Variants in GGT5 observed in about 807,000 individuals in gnomAD.
GGT5 encodes the protein gamma-glutamyltransferase 5.
Under a neutral mutation model 58.1 loss-of-function variants are expected in GGT5, and 50 were observed. The observed-to-expected ratio is 0.86, with a 90% CI of 0.69 to 1.09. The LOEUF (loss-of-function observed/expected upper bound fraction) is 1.09. Ranked by LOEUF, GGT5 falls within the 50% of genes least tolerant of loss-of-function variation. The pLI is 0.00. For missense variants in GGT5, 800 were observed against 789.4 expected (o/e 1.01, Z -0.16); for synonymous variants, 370 against 346.1 (o/e 1.07, Z -0.77).
chr22:24,232,082 G>A lies in GGT5; in HGVS notation c.723C>T (p.Gly241=). Residue 241 remains glycine (G), a synonymous_variant, in exon 5 of 12, where the codon GGC becomes GGT. Coordinates refer to ENST00000327365, the MANE Select transcript of GGT5 (RefSeq NM_004121.5). ...GVEVFYTGRL[G]QMLVEDIAKE... Reference sequence around the variant, plus strand: ...TGGCAATGTCCTCCACCAGCATCTGGCCCAGCCTCCCCGTGTAGAAGACCT... The same window carrying A: ...TGGCAATGTCCTCCACCAGCATCTGACCCAGCCTCCCCGTGTAGAAGACCT... 2 of 1,613,242 alleles carry A rather than the reference G, an allele frequency of 1.2e-6. No individual in the cohort carries two copies. Among genetic ancestry groups the A allele is most frequent in the Non-Finnish European group, 1.7e-6 (2 of 1,179,568 alleles).
intron 11 of GGT5, among the ~76,000 whole-genome samples, chr22:24,223,098 GA>G (rs1055394864): frequency 1.4e-5 from 2 of 139,940 alleles, no homozygotes; most frequent in African/African-American, 2.7e-5. Context: ...TCAAAAAAAA[GA>G]AAAAAAAAGA....
intron 1 of GGT5, among the ~76,000 whole-genome samples, chr22:24,235,050 C>CTTTT (rs71189232): frequency 1.6e-4 from 12 of 75,662 alleles, no homozygotes; most frequent in Non-Finnish European, 2.2e-4. Flanking sequence ...AAGAAGCCAG[C>CTTTT]TTTTTTTTTT....
At chr22:24,238,923 ATAATATATATTATATAATATATATATAT>A (rs2048240250) in intron 1 of GGT5, among the ~76,000 whole-genome samples, 1 of 23,854 alleles carries the variant, frequency 4.2e-5, no homozygotes, top group East Asian at 1.4e-3. Context: ...TATTATATAT[ATAATATATATTATATAATATATATATAT>A]ATATATAATA....
chr22:24,238,221 T>C (rs1221966547), intron 1 of GGT5, among the ~76,000 whole-genome samples: 11 of 95,720 alleles, frequency 1.1e-4, no homozygotes, highest in East Asian at 3.1e-4. Flanking sequence ...AGAGTGAGGC[T>C]CCGTCTCAAA....
At position 24,233,900 on chromosome 22, in the gene GGT5, A is replaced by G; in HGVS notation, c.278T>C (p.Ile93Thr). The G allele has an allele frequency of 1.2e-6, 2 of 1,613,726 alleles. No homozygotes were observed. The highest frequency in any genetic ancestry group is 1.7e-6 in the Non-Finnish European group (2 of 1,179,650). Residue 93 changes from isoleucine to threonine, a missense_variant, in exon 2 of 12, where the codon ATC (isoleucine) becomes ACC (threonine). By Grantham distance (89) the Ile-to-Thr change is moderately conservative. Transcript: ENST00000327365. Reference sequence around the variant, plus strand: ...TGTTGTCACATTGTAGATGGTGAAGATGACCCCTCCGCCCAGGCCCATGCT... The same window carrying G: ...TGTTGTCACATTGTAGATGGTGAAGGTGACCCCTCCGCCCAGGCCCATGCT... The part of the protein sequence containing the change: ...PQSMGLGGGV[I>T]FTIYNVTTGK...
chr22:24,238,258 G>A (rs985691447), intron 1 of GGT5, among the ~76,000 whole-genome samples: 7 of 150,554 alleles, frequency 4.6e-5, no homozygotes, highest in South Asian at 4.2e-4. Flanking sequence ...GGCCAGGCGC[G>A]GTGACTCACG....
intron 11 of GGT5, among the ~76,000 whole-genome samples, chr22:24,223,872 C>T (rs920850970): frequency 1.3e-5 from 2 of 148,216 alleles, no homozygotes; most frequent in African/African-American, 5.0e-5. Context: ...AAGTGTTTCT[C>T]CTGCTTCAGC....
At chr22:24,242,712 C>G (rs1481521279) in intron 1 of GGT5, 3 of 152,350 alleles carry the variant, frequency 2.0e-5, no homozygotes, top group Non-Finnish European at 2.9e-5. Flanking sequence ...GTGGCCCCAG[C>G]AGACCCTGTG....
chr22:24,229,187 T>C (rs1009040517), intron 6 of GGT5, among the ~76,000 whole-genome samples: 2 of 151,804 alleles, frequency 1.3e-5, no homozygotes, highest in Admixed American at 1.3e-4. Flanking sequence ...GCAGATCACC[T>C]GAGGTCAGGA....
chr22:24,243,169 G>A (rs1456799943), intron 1 of GGT5: 1 of 152,178 alleles, frequency 6.6e-6, no homozygotes, highest in Non-Finnish European at 1.5e-5. Context: ...TGGTGCCTGA[G>A]ACTCCAGTCT....
chr22:24,225,462 G>C, intron 9 of GGT5, 51 bp from the exon 10 acceptor site: 1 of 1,601,390 alleles, frequency 6.2e-7, no homozygotes, highest in Non-Finnish European at 8.6e-7. Context: ...CCAGGGGTTA[G>C]CATGCAACCC....
chr22:24,224,923 C>T, intron 11 of GGT5, 73 bp downstream of exon 11: 2 of 945,914 alleles, frequency 2.1e-6, no homozygotes, highest in Admixed American at 2.1e-5. Flanking sequence ...GAGTTCCTCC[C>T]AGGTGGCTTT....
intron 6 of GGT5, among the ~76,000 whole-genome samples, chr22:24,231,095 C>G (rs932465526): frequency 6.6e-6 from 1 of 152,208 alleles, no homozygotes; most frequent in African/African-American, 2.4e-5. Flanking sequence ...CACAGCCCAC[C>G]TGCTTCTGTG....
chr22:24,240,123 C>G (rs2048289054), intron 1 of GGT5, among the ~76,000 whole-genome samples: 1 of 152,144 alleles, frequency 6.6e-6, no homozygotes, highest in Non-Finnish European at 1.5e-5. Flanking sequence ...AAAGTACTAG[C>G]TCATGTTAGA....
intron 11 of GGT5, among the ~76,000 whole-genome samples, chr22:24,221,952 G>A (rs973406000): frequency 1.3e-5 from 2 of 151,428 alleles, no homozygotes; most frequent in Admixed American, 6.6e-5. Flanking sequence ...GCCAAGGTGG[G>A]CAGATCACCT....
At position 24,237,007 on chromosome 22, in the gene GGT5, C is replaced by CTT. The variant is rs35060391; in HGVS notation, c.174-3005_174-3004dup. On this transcript the variant is annotated intron_variant, in intron 1 of 11. Transcript: ENST00000327365. Reference sequence around the variant, plus strand: ...CAGGGATTCTTTTTTTCTTTTCTCTCTTTTTTTTTTTTTTTTTGCTTTTTA... The same window carrying CTT: ...CAGGGATTCTTTTTTTCTTTTCTCTCTTTTTTTTTTTTTTTTTTTGCTTTTTA... Among the ~76,000 whole-genome samples the CTT allele has an allele frequency of 7.1e-4, 93 of 131,106 alleles. 1 individual carries two copies. Among genetic ancestry groups the CTT allele is most frequent in the Middle Eastern group, 4.0e-3 (1 of 248 alleles). The allele number at this position is 131,106 out of a possible 152,430, so 86.0% of individuals were successfully genotyped here.
intron 11 of GGT5, among the ~76,000 whole-genome samples, chr22:24,220,958 G>A (rs2047572699): frequency 6.6e-6 from 1 of 151,002 alleles, no homozygotes; most frequent in Admixed American, 6.6e-5. Context: ...GCTGAAGCAG[G>A]AGGATCCCTT....
rs375177073 is a variant in GGT5 at position 24,226,240 on chromosome 22, C to A, written c.1065G>T (p.Glu355Asp). 8.1e-6 allele frequency: 13 copies of A among 1,606,038 alleles called. No individual in the cohort carries two copies. Among genetic ancestry groups the A allele is most frequent in the African/African-American group, 2.7e-5 (2 of 74,838 alleles). Residue 355 changes from glutamate to aspartate, a missense_variant, in exon 8 of 12, where the codon GAG becomes GAT. Coordinates refer to ENST00000327365, the MANE Select transcript of GGT5 (RefSeq NM_004121.5). ...GTTGGCGGATGAGCTGGGCCAGGGT[C>A]TCCCCCAGCAGGTCCCGGGAGGCAT... ...LQNASRDLLG[E>D]TLAQLIRQQI...
chr22:24,221,411 C>T (rs905948793), intron 11 of GGT5, among the ~76,000 whole-genome samples: 3 of 151,620 alleles, frequency 2.0e-5, no homozygotes, highest in African/African-American at 7.3e-5. Flanking sequence ...CCATCCAGAT[C>T]GATTAACTGG....
Sources: gnomAD v4.1 joint callset for allele counts (sites outside exome capture counted in the v4.1 genomes callset) on GRCh38, gnomAD v4.1.1 for gene constraint, MANE v1.5 for transcripts, NCBI Gene and HGNC (gene_info 2026-07-23, HGNC 2026-07-21) for gene names.